Variants in FBXO21 observed in about 807,000 individuals in gnomAD.
FBXO21 encodes the protein F-box only protein 21.
Under a neutral mutation model 76.6 loss-of-function variants are expected in FBXO21, and 32 were observed. The ratio of observed to expected loss-of-function variants is 0.42; its 90% CI spans 0.32 to 0.56. FBXO21 has a LOEUF of 0.56. Ranked by LOEUF, FBXO21 falls within the 20% of genes least tolerant of loss-of-function variation. The pLI is 0.16. For missense variants in FBXO21, 586 were observed against 797.3 expected (o/e 0.73, Z 3.19); for synonymous variants, 328 against 311.5 (o/e 1.05, Z -0.56).
chr12:117,143,290 A>T lies in FBXO21; in HGVS notation c.*2797T>A, dbSNP rs1201997806. ...TGCACACTTCTCTTAGAAAGTCACG[A>T]CGCACAGTACTGTGCGTCACAGGTA... On this transcript the variant is annotated 3_prime_UTR_variant, in exon 12 of 12. Coordinates refer to ENST00000622495, the MANE Select transcript of FBXO21 (RefSeq NM_015002.3). 1 of 152,144 alleles carries T rather than the reference A, an allele frequency of 6.6e-6. No individual in the cohort carries two copies. Among genetic ancestry groups the T allele is most frequent in the Non-Finnish European group, 1.5e-5 (1 of 68,028 alleles). The allele number at this position is 152,144 out of a possible 1,614,324, so 9.4% of individuals were successfully genotyped here.
intron 11 of FBXO21, among the ~76,000 whole-genome samples, chr12:117,154,010 T>C (rs569271294): frequency 6.6e-6 from 1 of 152,320 alleles, no homozygotes; most frequent in East Asian, 1.9e-4. Context: ...AATGATGCCA[T>C]GTGGTAAAGC....
intron 8 of FBXO21, 25 bp from the exon 9 acceptor site, chr12:117,165,642 T>C (rs1956045769): frequency 6.4e-7 from 1 of 1,556,224 alleles, no homozygotes; most frequent in Admixed American, 1.8e-5. Context: ...ACAATGTTTG[T>C]CTCATCCTGC....
intron 3 of FBXO21, among the ~76,000 whole-genome samples, chr12:117,177,871 T>C (rs1364720415): frequency 6.6e-6 from 1 of 152,188 alleles, no homozygotes; most frequent in East Asian, 1.9e-4. Flanking sequence ...TACTTGCCTG[T>C]ATCTTTCATA....
intron 8 of FBXO21, among the ~76,000 whole-genome samples, chr12:117,166,190 C>CA (rs34746643): frequency 0.017 from 1,795 of 107,564 alleles, 15 homozygotes; most frequent in African/African-American, 0.024. Flanking sequence ...AACTATGTCT[C>CA]AAAAAAAAAA....
chr12:117,172,541 A>G lies in FBXO21; in HGVS notation c.943T>C (p.Leu315=), dbSNP rs1362095363. The G allele has an allele frequency of 6.2e-7, 1 of 1,614,134 alleles. No homozygotes were observed. Among genetic ancestry groups the G allele is most frequent in the Non-Finnish European group, 8.5e-7 (1 of 1,179,988 alleles). ...SLLYLTIARQ[L]GVPLEPVNFP... ...TTGACAGGCTCCAGTGGGACTCCCAACTGCCGAGCAATTGTCAAATAGAGC... is the reference window on the plus strand; with the variant it reads ...TTGACAGGCTCCAGTGGGACTCCCAGCTGCCGAGCAATTGTCAAATAGAGC... Residue 315 remains leucine (L), a synonymous_variant, in exon 7 of 12, where the codon TTG becomes CTG. Transcript: ENST00000622495.
intron 9 of FBXO21, among the ~76,000 whole-genome samples, chr12:117,161,079 GAGC>G (rs1955971128): frequency 6.6e-6 from 1 of 152,126 alleles, no homozygotes; most frequent in Admixed American, 6.5e-5. Flanking sequence ...ACAGATGACG[GAGC>G]AGCAGCTACC....
chr12:117,150,871 C>CTGTGTGCG (rs1555239213), intron 11 of FBXO21, among the ~76,000 whole-genome samples: 4 of 127,630 alleles, frequency 3.1e-5, no homozygotes, highest in African/African-American at 1.2e-4. Flanking sequence ...TGGCCATGGA[C>CTGTGTGCG]TGTGTGTGTG....
intron 2 of FBXO21, chr12:117,188,825 T>A: frequency 5.1e-6 from 1 of 194,636 alleles, no homozygotes; most frequent in East Asian, 1.2e-4. Flanking sequence ...CCACATTAAT[T>A]TCGTCAACCC....
chr12:117,161,540 A>G (rs1955976335), intron 9 of FBXO21, among the ~76,000 whole-genome samples: 1 of 152,172 alleles, frequency 6.6e-6, no homozygotes, highest in Non-Finnish European at 1.5e-5. Flanking sequence ...AGGGGCTCAG[A>G]GTCCAGAGAG....
intron 3 of FBXO21, among the ~76,000 whole-genome samples, chr12:117,178,290 T>C (rs145451908): frequency 1.9e-3 from 283 of 152,164 alleles, no homozygotes; most frequent in African/African-American, 6.5e-3. Flanking sequence ...ATCGGTACTA[T>C]CTTCAAATTA....
At chr12:117,164,534 C>G (rs1471237566) in intron 9 of FBXO21, among the ~76,000 whole-genome samples, 1 of 152,098 alleles carries the variant, frequency 6.6e-6, no homozygotes, top group Non-Finnish European at 1.5e-5. Flanking sequence ...CTTCAACCTC[C>G]CAAAGTGCTG....
At chr12:117,164,273 T>C (rs1410059255) in intron 9 of FBXO21, among the ~76,000 whole-genome samples, 6 of 130,946 alleles carry the variant, frequency 4.6e-5, no homozygotes, top group East Asian at 2.0e-4. Flanking sequence ...TCTTTTCTTT[T>C]CTTTTTTTTT....
At chr12:117,148,213 GT>G (rs1164485240) in intron 11 of FBXO21, among the ~76,000 whole-genome samples, 2 of 152,298 alleles carry the variant, frequency 1.3e-5, no homozygotes, top group East Asian at 1.9e-4. Context: ...AGAATATGTT[GT>G]TTTAGGCTGT....
intron 2 of FBXO21, among the ~76,000 whole-genome samples, chr12:117,187,007 T>C (rs1446227179): frequency 6.6e-6 from 1 of 151,988 alleles, no homozygotes; most frequent in Non-Finnish European, 1.5e-5. Flanking sequence ...TCCCAGCTAC[T>C]TGGGAGGCTG....
At chr12:117,185,279 C>A (rs1956271008) in intron 3 of FBXO21, among the ~76,000 whole-genome samples, 1 of 151,988 alleles carries the variant, frequency 6.6e-6, no homozygotes, top group South Asian at 2.1e-4. Flanking sequence ...TGAACTCATC[C>A]AAGGCCTAGA....
chr12:117,146,037 T>C lies in FBXO21; in HGVS notation c.*50A>G. On this transcript the variant is annotated 3_prime_UTR_variant, in exon 12 of 12. Coordinates refer to ENST00000622495, the MANE Select transcript of FBXO21 (RefSeq NM_015002.3). Reference sequence around the variant, plus strand: ...GAGACGTCTTCTTCCGGAGTCCCGTTCTCTTGGAAGATAGCAGCAGCAGCA... The same window carrying C: ...GAGACGTCTTCTTCCGGAGTCCCGTCCTCTTGGAAGATAGCAGCAGCAGCA... 1 of 1,462,724 alleles carries C rather than the reference T, an allele frequency of 6.8e-7. No individual in the cohort carries two copies. Among genetic ancestry groups the C allele is most frequent in the Non-Finnish European group, 9.2e-7 (1 of 1,089,464 alleles). The allele number at this position is 1,462,724 out of a possible 1,614,324, so 90.6% of individuals were successfully genotyped here.
At chr12:117,166,090 T>TGAG (rs1387236458) in intron 8 of FBXO21, among the ~76,000 whole-genome samples, 2 of 150,644 alleles carry the variant, frequency 1.3e-5, no homozygotes, top group Non-Finnish European at 2.9e-5. Flanking sequence ...CTCAGGAAGC[T>TGAG]GAGGCAGGAG....
chr12:117,148,459 G>T (rs1413142592), intron 11 of FBXO21, among the ~76,000 whole-genome samples: 1 of 152,272 alleles, frequency 6.6e-6, no homozygotes, highest in African/African-American at 2.4e-5. Context: ...CAACCTGTTT[G>T]TAAGATCCTC....
intron 5 of FBXO21, 71 bp downstream of exon 5, chr12:117,174,580 A>T (rs898247117): frequency 3.9e-6 from 6 of 1,540,740 alleles, no homozygotes; most frequent in Non-Finnish European, 5.3e-6. Flanking sequence ...CACACTAACA[A>T]ATCTCTCAAA....
Sources: gnomAD v4.1 joint callset for allele counts (sites outside exome capture counted in the v4.1 genomes callset) on GRCh38, gnomAD v4.1.1 for gene constraint, MANE v1.5 for transcripts, NCBI Gene and HGNC (gene_info 2026-07-23, HGNC 2026-07-21) for gene names.